Variants in ZFC3H1 observed in about 807,000 individuals in gnomAD.
The protein encoded by ZFC3H1 is zinc finger C3H1 domain-containing protein.
In ZFC3H1, 71 loss-of-function variants were observed where a neutral mutation model predicts 243.7. That is an observed-to-expected ratio of 0.29 (90% CI 0.24 to 0.36). The LOEUF (loss-of-function observed/expected upper bound fraction) is 0.36, where lower values mean the gene tolerates loss of function less well. Ranked by LOEUF, ZFC3H1 falls within the 10% of genes least tolerant of loss-of-function variation. ZFC3H1 has a pLI of 1.00. For missense variants in ZFC3H1, 1,966 were observed against 2,317.1 expected, an observed-to-expected ratio of 0.85 and a Z score of 3.11; for synonymous variants, 838 against 813.0, an observed-to-expected ratio of 1.03 and a Z score of -0.52.
intron 31 of ZFC3H1, among the ~76,000 whole-genome samples, chr12:71,612,091 G>T (rs528028723): frequency 6.6e-6 from 1 of 152,174 alleles, no homozygotes; most frequent in Admixed American, 6.6e-5. Context: ...CAAGATCTAT[G>T]CTCATCTTAC....
chr12:71,619,485 G>A, intron 26 of ZFC3H1, 76 bp from the exon 27 acceptor site: 7 of 1,427,346 alleles, frequency 4.9e-6, no homozygotes, highest in Non-Finnish European at 6.7e-6. Context: ...GAGAAAAAAA[G>A]CCTTAAAAAA....
Position 71,644,138 on chromosome 12 carries a change from C to T in ZFC3H1, c.1460G>A (p.Arg487Gln), listed in dbSNP as rs373616390. ...DLSNQEEQYN[R>Q]FMKLVGGKRR... is the part of the protein sequence containing the mutation. Reference sequence around the variant, plus strand: ...CTTGCCACCAACCAATTTCATGAATCGATTGTACTGTTCTTCCTGATTTGA... The same window carrying T: ...CTTGCCACCAACCAATTTCATGAATTGATTGTACTGTTCTTCCTGATTTGA... Residue 487 changes from arginine (R) to glutamine (Q), a missense_variant, in exon 5 of 35, where the codon CGA becomes CAA. Arg to Gln is a conservative substitution (Grantham distance 43, BLOSUM62 1). Coordinates refer to ENST00000378743, the MANE Select transcript of ZFC3H1 (RefSeq NM_144982.5). 116 of 1,613,768 alleles carry T rather than the reference C, an allele frequency of 7.2e-5. No homozygotes were observed. The highest frequency in any genetic ancestry group is 9.4e-5 in the Non-Finnish European group (111 of 1,179,952).
Position 71,663,673 on chromosome 12 carries a change from C to G in ZFC3H1, c.-63G>C. 6.5e-7 allele frequency: 1 copy of G among 1,543,964 alleles called. No homozygotes were observed. On this transcript the variant is annotated 5_prime_UTR_variant, in exon 1 of 35. Coordinates refer to ENST00000378743, the MANE Select transcript of ZFC3H1 (RefSeq NM_144982.5). ...GTCCGGGGATCCGCCCGACAATTGC[C>G]TCGTTTCCCTTCTTTCCTAACGGAC... is the stretch of plus-strand genomic sequence containing the variant.
At chr12:71,629,550 A>G in intron 19 of ZFC3H1, 59 bp downstream of exon 19, 1 of 621,804 alleles carries the variant, frequency 1.6e-6, no homozygotes, top group Non-Finnish European at 2.5e-6. Context: ...TCAGAAAGAG[A>G]TACAGTACAC....
At chr12:71,651,472 G>C (rs1880885091) in intron 2 of ZFC3H1, among the ~76,000 whole-genome samples, 1 of 152,006 alleles carries the variant, frequency 6.6e-6, no homozygotes, top group Non-Finnish European at 1.5e-5. Flanking sequence ...TGACTATTTT[G>C]TTCACCAATT....
intron 27 of ZFC3H1, among the ~76,000 whole-genome samples, chr12:71,619,102 T>C (rs1013841157): frequency 6.6e-6 from 1 of 152,126 alleles, no homozygotes; most frequent in Non-Finnish European, 1.5e-5. Flanking sequence ...CCTTACTTTG[T>C]ACAGTGTGTT....
At chr12:71,615,974 A>C (rs945304289) in intron 27 of ZFC3H1, among the ~76,000 whole-genome samples, 2 of 152,146 alleles carry the variant, frequency 1.3e-5, no homozygotes, top group African/African-American at 4.8e-5. Context: ...TTCCAATGAA[A>C]TCTGTACTTT....
chr12:71,642,399 A>G, intron 6 of ZFC3H1, 37 bp downstream of exon 6: 2 of 1,593,748 alleles, frequency 1.3e-6, no homozygotes, highest in Non-Finnish European at 1.7e-6. Flanking sequence ...TATTTAATAC[A>G]TGTAAATACA....
In ZFC3H1 at chr12:71,629,703, A is replaced by G. The variant is rs372213831; in HGVS notation, c.3732T>C (p.Tyr1244=). 4.7e-5 allele frequency: 75 copies of G among 1,608,406 alleles called. No individual in the cohort carries two copies. In the African/African-American group the frequency reaches 8.4e-4, roughly 18 times the overall value. Residue 1244 remains tyrosine, a synonymous_variant, in exon 19 of 35, where the codon TAT becomes TAC. Transcript: ENST00000378743. The stretch of plus-strand genomic sequence containing the variant: ...TGTTTACTCCAAAAAGTTTCTCAAC[A>G]TATTTTTCTGAAATAAGAGCAATGC... ...NEEITASAEK[Y]VEKLFGVNKD...
chr12:71,619,233 T>C, intron 27 of ZFC3H1, 82 bp downstream of exon 27: 2 of 1,268,816 alleles, frequency 1.6e-6, no homozygotes, highest in Non-Finnish European at 2.2e-6. Flanking sequence ...TAAAATGTCA[T>C]CATATAAGAA....
chr12:71,610,756 A>G lies in ZFC3H1; in HGVS notation c.5771T>C (p.Val1924Ala), dbSNP rs1274089146. 2 of 1,612,792 alleles carry G rather than the reference A, an allele frequency of 1.2e-6. No individual in the cohort carries two copies. Among genetic ancestry groups the G allele is most frequent in the South Asian group, 1.1e-5 (1 of 90,992 alleles). Residue 1924 changes from valine (V) to alanine (A), a missense_variant and splice_region_variant, in exon 34 of 35, where the codon GTC (valine) becomes GCC (alanine). This residue lies in a region of ZFC3H1 where 1,383 missense variants were observed against 1,723.7 expected (regional missense o/e 0.80). Transcript: ENST00000378743. ...TAAGGCTCTCTGATATAAACGGTGGACCTGTAAGATAGATATACACACAAT... is the reference window on the plus strand; with the variant it reads ...TAAGGCTCTCTGATATAAACGGTGGGCCTGTAAGATAGATATACACACAAT... ...AEIVLKGQRE[V>A]HRLYQRALQK... is the part of the protein sequence containing the mutation.
At chr12:71,627,046 G>T (rs1174343185) in intron 21 of ZFC3H1, among the ~76,000 whole-genome samples, 2 of 151,916 alleles carry the variant, frequency 1.3e-5, no homozygotes, top group Non-Finnish European at 2.9e-5. Context: ...ACACATCCAG[G>T]CATGTGTGGG....
chr12:71,618,290 A>C lies in ZFC3H1; in HGVS notation c.5144+1025T>G, dbSNP rs1016753713. 8.6e-4 allele frequency among the ~76,000 whole-genome samples: 129 copies of C among 149,502 alleles called. 1 individual carries two copies. Among genetic ancestry groups the C allele is most frequent in the African/African-American group, 3.0e-3 (125 of 41,164 alleles). On this transcript the variant is annotated intron_variant, in intron 27 of 34. Transcript: ENST00000378743. ...CTTAAAATAAAATTAAAAAAAAAAA[A>C]CAAAAACAAAAAACAAGTTCTAGGT...
At chr12:71,655,489 G>GA (rs1017174119) in intron 2 of ZFC3H1, among the ~76,000 whole-genome samples, 1 of 150,850 alleles carries the variant, frequency 6.6e-6, no homozygotes, top group East Asian at 1.9e-4. Context: ...AGAGAGCAGG[G>GA]AAAAAAAAGG....
intron 2 of ZFC3H1, among the ~76,000 whole-genome samples, chr12:71,655,901 G>A (rs933792447): frequency 1.3e-5 from 2 of 152,136 alleles, no homozygotes; most frequent in African/African-American, 4.8e-5. Context: ...ATAGCCGAAA[G>A]TTGGAAAAAC....
intron 31 of ZFC3H1, 67 bp from the exon 32 acceptor site, chr12:71,611,954 G>C (rs1879785113): frequency 1.1e-6 from 1 of 895,904 alleles, no homozygotes; most frequent in Middle Eastern, 2.3e-4. Flanking sequence ...TGTGCTCTAT[G>C]AGCACAATGA....
At position 71,645,084 on chromosome 12, in the gene ZFC3H1, C is replaced by T; in HGVS notation, c.1081-9G>A. On this transcript the variant is annotated splice_polypyrimidine_tract_variant and intron_variant, in intron 3 of 34. Transcript: ENST00000378743. The stretch of plus-strand genomic sequence containing the variant: ...TCATCTTCACCAAGTTTCTTTAAAG[C>T]AAAAAGAAAGAGCTAAAATTTTTTA... 1 of 1,579,972 alleles carries T rather than the reference C, an allele frequency of 6.3e-7. No homozygotes were observed. The highest frequency in any genetic ancestry group is 8.5e-7 in the Non-Finnish European group (1 of 1,169,956).
intron 6 of ZFC3H1, among the ~76,000 whole-genome samples, chr12:71,640,874 TC>T (rs982978765): frequency 6.6e-6 from 1 of 150,834 alleles, no homozygotes; most frequent in Non-Finnish European, 1.5e-5. Context: ...GTTTTTTTTT[TC>T]CCCCGCCCGG....
chr12:71,624,106 G>T lies in ZFC3H1; in HGVS notation c.4504C>A (p.Gln1502Lys). ...GRCQSALAIL[Q>K]NALKSANDGI... ...TAAATGCTGTACCAAGTGCTTACCT[G>T]TAAAATTGCCAGTGCACTTTGGCAT... The change falls in exon 23 of 35, where the codon CAG becomes AAG. Residue 1502 changes from glutamine to lysine, a missense_variant and splice_region_variant. Around this residue, in one of 4 missense-constraint regions of ZFC3H1, gnomAD observed 1,383 missense variants for 1,723.7 expected, o/e 0.80. Transcript: ENST00000378743. 1 of 1,611,276 alleles carries T rather than the reference G, an allele frequency of 6.2e-7. No individual in the cohort carries two copies.
Sources: gnomAD v4.1 joint callset for allele counts (sites outside exome capture counted in the v4.1 genomes callset) on GRCh38, gnomAD v4.1.1 for gene constraint, gnomAD v4.1.1 regional missense constraint, MANE v1.5 for transcripts, NCBI Gene and HGNC (gene_info 2026-07-23, HGNC 2026-07-21) for gene names.